BICC1: variants seen among roughly 807,000 people sequenced by gnomAD.
The protein encoded by BICC1 is protein bicaudal C homolog 1.
BICC1 carries 43 observed loss-of-function variants against 111.0 expected under a neutral mutation model. The observed-to-expected ratio is 0.39, with a 90% CI of 0.30 to 0.50. The LOEUF (loss-of-function observed/expected upper bound fraction) is 0.50, where lower values mean the gene tolerates loss of function less well. Ranked by LOEUF, BICC1 falls within the 20% of genes least tolerant of loss-of-function variation. The pLI is 0.88. For synonymous variants in BICC1, 467 were observed against 434.4 expected (o/e 1.07, Z -0.93); for missense variants, 1,091 against 1,203.2 (o/e 0.91, Z 1.38).
chr10:58,669,885 ATTCT>A (rs1270598789), intron 2 of BICC1, among the ~76,000 whole-genome samples: 1 of 152,188 alleles, frequency 6.6e-6, no homozygotes, highest in Non-Finnish European at 1.5e-5. Flanking sequence ...CGGCATTAAA[ATTCT>A]TTGTCATTGC....
chr10:58,746,992 A>G (rs1044703049), intron 3 of BICC1, among the ~76,000 whole-genome samples: 2 of 152,098 alleles, frequency 1.3e-5, no homozygotes, highest in Non-Finnish European at 2.9e-5. Context: ...TTTCCAAAGG[A>G]CATTCTCCCC....
At chr10:58,764,234 C>T (rs996572676) in intron 3 of BICC1, among the ~76,000 whole-genome samples, 1 of 152,126 alleles carries the variant, frequency 6.6e-6, no homozygotes, top group African/African-American at 2.4e-5. Flanking sequence ...AATGATGAAA[C>T]AGAGAACTAG....
intron 2 of BICC1, among the ~76,000 whole-genome samples, chr10:58,628,433 G>GA (rs1182540409): frequency 6.6e-6 from 1 of 152,072 alleles, no homozygotes; most frequent in Non-Finnish European, 1.5e-5. Flanking sequence ...TTAATTTTTA[G>GA]AAAAATGTCC....
chr10:58,648,701 T>A (rs768094944), intron 2 of BICC1: 11 of 974,774 alleles, frequency 1.1e-5, no homozygotes, highest in Non-Finnish European at 1.3e-5. Flanking sequence ...TTGGAAATCC[T>A]CTCTGTTGTT....
chr10:58,588,099 C>A (rs1391839356), intron 1 of BICC1, among the ~76,000 whole-genome samples: 1 of 152,154 alleles, frequency 6.6e-6, no homozygotes, highest in African/African-American at 2.4e-5. Flanking sequence ...TTGTGATTGA[C>A]ACCAAAATAA....
At chr10:58,563,303 G>T (rs1482914358) in intron 1 of BICC1, among the ~76,000 whole-genome samples, 1 of 152,190 alleles carries the variant, frequency 6.6e-6, no homozygotes, top group Non-Finnish European at 1.5e-5. Context: ...CTGGGGAGCA[G>T]TGCAGCCATG....
chr10:58,592,333 GC>G (rs1844646442), intron 1 of BICC1, among the ~76,000 whole-genome samples: 1 of 152,148 alleles, frequency 6.6e-6, no homozygotes, highest in Non-Finnish European at 1.5e-5. Context: ...ACTGGGAACA[GC>G]TAGAACTGAG....
intron 3 of BICC1, among the ~76,000 whole-genome samples, chr10:58,765,622 A>G (rs934872020): frequency 6.6e-6 from 1 of 152,230 alleles, no homozygotes; most frequent in Non-Finnish European, 1.5e-5. Context: ...TCCCATTAAT[A>G]TCTAAGATTT....
At chr10:58,713,370 G>C (rs933855526) in intron 3 of BICC1, among the ~76,000 whole-genome samples, 5 of 152,114 alleles carry the variant, frequency 3.3e-5, no homozygotes, top group African/African-American at 9.7e-5. Flanking sequence ...AACTTTATGA[G>C]GAGGAAAGGA....
intron 1 of BICC1, among the ~76,000 whole-genome samples, chr10:58,522,692 A>T (rs1298440006): frequency 6.6e-6 from 1 of 152,208 alleles, no homozygotes; most frequent in Non-Finnish European, 1.5e-5. Flanking sequence ...AAGGCAAGAA[A>T]TAGCTAAGAT....
At chr10:58,590,480 A>G (rs1315500060) in intron 1 of BICC1, among the ~76,000 whole-genome samples, 1 of 152,182 alleles carries the variant, frequency 6.6e-6, no homozygotes, top group Non-Finnish European at 1.5e-5. Context: ...CTTCTTAATA[A>G]GAGAATTTTG....
chr10:58,618,280 AG>A (rs1446985443), intron 1 of BICC1, among the ~76,000 whole-genome samples: 1 of 152,228 alleles, frequency 6.6e-6, no homozygotes, highest in Non-Finnish European at 1.5e-5. Flanking sequence ...GGTCAAGAAT[AG>A]GCCAAGGCAG....
intron 2 of BICC1, among the ~76,000 whole-genome samples, chr10:58,626,348 T>C (rs1319806310): frequency 1.3e-5 from 2 of 152,228 alleles, no homozygotes; most frequent in Non-Finnish European, 2.9e-5. Context: ...GATCATGTTT[T>C]CTTTATACTA....
At chr10:58,594,526 C>T (rs1315200591) in intron 1 of BICC1, among the ~76,000 whole-genome samples, 1 of 152,156 alleles carries the variant, frequency 6.6e-6, no homozygotes, top group Non-Finnish European at 1.5e-5. Flanking sequence ...CAGCGGATCT[C>T]TCCGTAGAAA....
intron 3 of BICC1, among the ~76,000 whole-genome samples, chr10:58,737,494 A>G (rs183006540): frequency 6.4e-4 from 98 of 152,284 alleles, no homozygotes; most frequent in African/African-American, 2.1e-3. Context: ...AATTCAGTCT[A>G]TCATTGATGG....
intron 2 of BICC1, among the ~76,000 whole-genome samples, chr10:58,688,044 T>C (rs183717730): frequency 6.6e-6 from 1 of 152,170 alleles, no homozygotes; most frequent in East Asian, 1.9e-4. Context: ...TTCCTCCCGG[T>C]GGGTTCGTGG....
In BICC1 at chr10:58,746,926, A is replaced by G. The variant is rs779430404; in HGVS notation, c.308-38075A>G. Among the ~76,000 whole-genome samples the G allele has an allele frequency of 2.6e-5, 4 of 152,172 alleles. No individual in the cohort carries two copies. The South Asian group carries it at 8.3e-4, about 32-fold the overall frequency. On this transcript the variant is annotated intron_variant, in intron 3 of 20. Transcript: ENST00000373886. Reference sequence around the variant, plus strand: ...AATAACAATAGCCATGATTCTGGCAACAGAGTAGTACTTCAGAGGGTCACT... The same window carrying G: ...AATAACAATAGCCATGATTCTGGCAGCAGAGTAGTACTTCAGAGGGTCACT...
chr10:58,741,163 G>GACA (rs1011616784), intron 3 of BICC1, among the ~76,000 whole-genome samples: 5 of 152,220 alleles, frequency 3.3e-5, no homozygotes, highest in African/African-American at 1.2e-4. Context: ...GAAGAGGGCA[G>GACA]ACGAGTTGTT....
chr10:58,558,397 C>T (rs1843513602), intron 1 of BICC1, among the ~76,000 whole-genome samples: 1 of 152,098 alleles, frequency 6.6e-6, no homozygotes, highest in Admixed American at 6.6e-5. Context: ...TTCTAGGTTC[C>T]ACCTTGCTTC....
Sources: gnomAD v4.1 joint callset for allele counts (sites outside exome capture counted in the v4.1 genomes callset) on GRCh38, gnomAD v4.1.1 for gene constraint, MANE v1.5 for transcripts, NCBI Gene and HGNC (gene_info 2026-07-23, HGNC 2026-07-21) for gene names.